The following NTNG1 variants were observed in gnomAD, a reference collection of about 807,000 sequenced individuals.
NTNG1 encodes the protein netrin G1, also known as netrin-G1.
In NTNG1, 16 loss-of-function variants were observed where a neutral mutation model predicts 54.0. That is an observed-to-expected ratio of 0.30 (90% confidence interval 0.20 to 0.45). The LOEUF (loss-of-function observed/expected upper bound fraction) is 0.45. Among genes scored for constraint, NTNG1 ranks in the 20% least tolerant of loss-of-function variants. NTNG1 has a pLI of 1.00. For missense variants in NTNG1, 530 were observed against 678.7 expected, an observed-to-expected ratio of 0.78 and a Z score of 2.43; for synonymous variants, 255 against 263.1, an observed-to-expected ratio of 0.97 and a Z score of 0.30.
intron 2 of NTNG1, among the ~76,000 whole-genome samples, chr1:107,190,077 T>A (rs1452932913): frequency 6.6e-6 from 1 of 152,156 alleles, no homozygotes; most frequent in Non-Finnish European, 1.5e-5. Flanking sequence ...GCAAATATTG[T>A]ACAATTCCAC....
intron 3 of NTNG1, among the ~76,000 whole-genome samples, chr1:107,379,515 G>T (rs1013275185): frequency 2.0e-5 from 3 of 152,120 alleles, no homozygotes; most frequent in Non-Finnish European, 2.9e-5. Flanking sequence ...CAGCCATATA[G>T]ATCCAGAAAC....
chr1:107,267,389 T>C lies in NTNG1; in HGVS notation c.247-56893T>C, dbSNP rs1663822089. Among the ~76,000 whole-genome samples, 5 of 151,998 alleles carry C rather than the reference T, an allele frequency of 3.3e-5. No individual in the cohort carries two copies. In the South Asian group the frequency reaches 1.0e-3, roughly 32 times the overall value. On this transcript the variant is annotated intron_variant, in intron 2 of 7. Transcript: ENST00000370068. ...TGCAGGAGATGAATTTGCATAGAGGTAAATCATGAAGAAAGGCTCTGAGGT... is the reference window on the plus strand; with the variant it reads ...TGCAGGAGATGAATTTGCATAGAGGCAAATCATGAAGAAAGGCTCTGAGGT...
chr1:107,448,249 A>T (rs1558007426), intron 7 of NTNG1, among the ~76,000 whole-genome samples: 1 of 152,060 alleles, frequency 6.6e-6, no homozygotes, highest in Non-Finnish European at 1.5e-5. Context: ...CCTTATTAAT[A>T]TGTAGTAGTA....
chr1:107,339,305 C>T (rs1668770208), intron 3 of NTNG1, among the ~76,000 whole-genome samples: 1 of 151,884 alleles, frequency 6.6e-6, no homozygotes, highest in African/African-American at 2.4e-5. Context: ...CCAGGGTGAC[C>T]CATTTAAAGG....
chr1:107,324,632 T>G lies in NTNG1; in HGVS notation c.597T>G (p.His199Gln). 6.2e-7 allele frequency: 1 copy of G among 1,613,714 alleles called. No homozygotes were observed. Among genetic ancestry groups the G allele is most frequent in the Non-Finnish European group, 8.5e-7 (1 of 1,179,852 alleles). ...DPKSVKDLSQ[H>Q]TVLEIICTEE... ...AATCCGTGAAGGATTTATCACAGCATACGGTCTTAGAAATCATTTGCACAG... is the reference window on the plus strand; with the variant it reads ...AATCCGTGAAGGATTTATCACAGCAGACGGTCTTAGAAATCATTTGCACAG... The change falls in exon 3 of 8, where the codon CAT becomes CAG. Residue 199 changes from histidine to glutamine, a missense_variant. Physicochemically the swap from His to Gln is conservative, Grantham distance 24. Around this residue, in one of 2 missense-constraint regions of NTNG1, gnomAD observed 318 missense variants for 465.1 expected, o/e 0.68. Coordinates refer to ENST00000370068, the MANE Select transcript of NTNG1 (RefSeq NM_001113226.3).
At chr1:107,402,845 T>A (rs1673127163) in intron 4 of NTNG1, among the ~76,000 whole-genome samples, 1 of 152,108 alleles carries the variant, frequency 6.6e-6, no homozygotes, top group Non-Finnish European at 1.5e-5. Context: ...GGCTATAAGA[T>A]CTAGTTACCC....
chr1:107,225,339 G>A (rs1409600055), intron 2 of NTNG1, among the ~76,000 whole-genome samples: 2 of 151,950 alleles, frequency 1.3e-5, no homozygotes, highest in African/African-American at 4.8e-5. Flanking sequence ...AGAAGCACCT[G>A]TTGATGGGAC....
chr1:107,414,854 A>G (rs1400754939), intron 5 of NTNG1, among the ~76,000 whole-genome samples: 4 of 152,168 alleles, frequency 2.6e-5, no homozygotes, highest in African/African-American at 9.7e-5. Context: ...CAGTTAAGGA[A>G]TTGTTCAAGT....
intron 4 of NTNG1, among the ~76,000 whole-genome samples, chr1:107,396,626 G>T (rs1002466251): frequency 6.6e-6 from 1 of 152,168 alleles, no homozygotes; most frequent in Non-Finnish European, 1.5e-5. Context: ...ACAGACTCAT[G>T]AATTTGAAAG....
At chr1:107,220,789 A>C (rs139965061) in intron 2 of NTNG1, among the ~76,000 whole-genome samples, 73 of 152,336 alleles carry the variant, frequency 4.8e-4, no homozygotes, top group African/African-American at 1.7e-3. Context: ...TTTTAATAAC[A>C]GTCTTATTCA....
At position 107,437,151 on chromosome 1, in the gene NTNG1, G is replaced by A. The variant is rs150803317; in HGVS notation, c.1390+352G>A. ...TGTGCATGTGATTAATATATTTCTT[G>A]AACTGAAAGTTACCCTAGAGCTCCA... On this transcript the variant is annotated intron_variant, in intron 7 of 7. Coordinates refer to ENST00000370068, the MANE Select transcript of NTNG1 (RefSeq NM_001113226.3). 6.7e-4 allele frequency among the ~76,000 whole-genome samples: 102 copies of A among 152,190 alleles called. 2 individuals carry two copies. In the East Asian group the frequency reaches 0.018, roughly 27 times the overall value.
intron 7 of NTNG1, among the ~76,000 whole-genome samples, chr1:107,478,887 A>T (rs1678511345): frequency 2.0e-5 from 3 of 152,258 alleles, no homozygotes; most frequent in Non-Finnish European, 2.9e-5. Context: ...TAACCACCCT[A>T]CATGTGGACT....
At chr1:107,209,826 G>C (rs1168802090) in intron 2 of NTNG1, among the ~76,000 whole-genome samples, 1 of 152,158 alleles carries the variant, frequency 6.6e-6, no homozygotes, top group South Asian at 2.1e-4. Flanking sequence ...CTGGCAACAG[G>C]TGTCCCTAGA....
intron 2 of NTNG1, among the ~76,000 whole-genome samples, chr1:107,308,315 A>T (rs1368760276): frequency 6.6e-6 from 1 of 151,946 alleles, no homozygotes; most frequent in Non-Finnish European, 1.5e-5. Flanking sequence ...ATCCATCTTG[A>T]GTTGATTTTT....
intron 2 of NTNG1, among the ~76,000 whole-genome samples, chr1:107,255,719 A>C (rs1662891500): frequency 6.6e-6 from 1 of 152,188 alleles, no homozygotes; most frequent in African/African-American, 2.4e-5. Context: ...TATTGTGGGG[A>C]TAAAGTTGCC....
intron 2 of NTNG1, among the ~76,000 whole-genome samples, chr1:107,165,351 T>C (rs1655710909): frequency 6.6e-6 from 1 of 151,650 alleles, no homozygotes; most frequent in Non-Finnish European, 1.5e-5. Flanking sequence ...CATGCAACTT[T>C]ATTATTAAAA....
chr1:107,298,211 A>C (rs1666098289), intron 2 of NTNG1, among the ~76,000 whole-genome samples: 1 of 152,228 alleles, frequency 6.6e-6, no homozygotes. Flanking sequence ...TTATATCTCA[A>C]GTAATGCTAG....
At chr1:107,319,864 T>TA (rs1367665981) in intron 2 of NTNG1, among the ~76,000 whole-genome samples, 3 of 87,246 alleles carry the variant, frequency 3.4e-5, no homozygotes, top group African/African-American at 9.5e-5. Context: ...TTACCTGAGG[T>TA]TTATATATAT....
intron 2 of NTNG1, among the ~76,000 whole-genome samples, chr1:107,249,941 T>G (rs945991941): frequency 7.9e-5 from 12 of 152,234 alleles, no homozygotes; most frequent in African/African-American, 2.9e-4. Context: ...AACAGAGATA[T>G]TCATTTGTAA....
Sources: gnomAD v4.1 joint callset for allele counts (sites outside exome capture counted in the v4.1 genomes callset) on GRCh38, gnomAD v4.1.1 for gene constraint, gnomAD v4.1.1 regional missense constraint, MANE v1.5 for transcripts, NCBI Gene and HGNC (gene_info 2026-07-23, HGNC 2026-07-21) for gene names.